The following CTNNA3 variants were observed in gnomAD, a reference collection of about 807,000 sequenced individuals.
The protein encoded by CTNNA3 is catenin alpha 3.
Under a neutral mutation model 95.7 loss-of-function variants are expected in CTNNA3, and 76 were observed. The ratio of observed to expected loss-of-function variants is 0.79; its 90% CI spans 0.66 to 0.96. The LOEUF (loss-of-function observed/expected upper bound fraction) is 0.96, where lower values mean the gene tolerates loss of function less well. CTNNA3 is among the 40% of genes least tolerant of loss of function. The pLI is 0.00. For synonymous variants in CTNNA3, 431 were observed against 374.4 expected, an observed-to-expected ratio of 1.15 and a Z score of -1.74; for missense variants, 1,191 against 1,089.8, an observed-to-expected ratio of 1.09 and a Z score of -1.31.
At chr10:67,096,820 T>C (rs1428158094) in intron 7 of CTNNA3, among the ~76,000 whole-genome samples, 1 of 151,912 alleles carries the variant, frequency 6.6e-6, no homozygotes, top group South Asian at 2.1e-4. Context: ...CATCATCCTT[T>C]GATGCTTTTT....
chr10:65,968,945 T>C (rs1433483611), intron 16 of CTNNA3, among the ~76,000 whole-genome samples: 2 of 152,242 alleles, frequency 1.3e-5, no homozygotes, highest in Non-Finnish European at 2.9e-5. Flanking sequence ...CTGCCCATCT[T>C]GCTCCCAACA....
intron 7 of CTNNA3, among the ~76,000 whole-genome samples, chr10:67,042,942 A>T (rs777012325): frequency 3.3e-5 from 5 of 152,086 alleles, no homozygotes; most frequent in Non-Finnish European, 5.9e-5. Context: ...ATAAAAGAGG[A>T]GCCAAATAAG....
At chr10:67,204,096 G>T (rs1306829716) in intron 6 of CTNNA3, among the ~76,000 whole-genome samples, 3 of 152,090 alleles carry the variant, frequency 2.0e-5, no homozygotes, top group African/African-American at 7.2e-5. Context: ...TTATTAGAAG[G>T]AAGTGATAAA....
chr10:67,247,021 T>C (rs558733884), intron 5 of CTNNA3, among the ~76,000 whole-genome samples: 95 of 152,248 alleles, frequency 6.2e-4, no homozygotes, highest in African/African-American at 2.3e-3. Context: ...AATACATAAA[T>C]AAATCTTCAA....
At chr10:67,337,018 G>T (rs1842018908) in intron 5 of CTNNA3, among the ~76,000 whole-genome samples, 1 of 152,152 alleles carries the variant, frequency 6.6e-6, no homozygotes, top group African/African-American at 2.4e-5. Flanking sequence ...CATCCATTCT[G>T]TAGCCCATGG....
chr10:66,565,244 A>G (rs940858297), intron 10 of CTNNA3, among the ~76,000 whole-genome samples: 5 of 152,198 alleles, frequency 3.3e-5, no homozygotes, highest in Admixed American at 1.3e-4. Context: ...ACTTGATCCA[A>G]TGGAGATACT....
intron 5 of CTNNA3, among the ~76,000 whole-genome samples, chr10:67,507,569 A>G (rs1225202720): frequency 1.3e-5 from 2 of 151,908 alleles, no homozygotes; most frequent in Non-Finnish European, 2.9e-5. Context: ...AAAAAAAAAA[A>G]GAAAATTAAA....
At chr10:66,287,995 G>A (rs1227974910) in intron 12 of CTNNA3, among the ~76,000 whole-genome samples, 1 of 152,070 alleles carries the variant, frequency 6.6e-6, no homozygotes, top group African/African-American at 2.4e-5. Flanking sequence ...AAACAGGGAG[G>A]TACTGCTAAG....
rs1589834169 is a variant in CTNNA3 at position 66,244,326 on chromosome 10, C to T, written c.1884+36144G>A. ...ATCTGGGCCTGCGCAGAACTTTCCA[C>T]CCGGAAGGGAAGGACATAAACATGG... On this transcript the variant is annotated intron_variant, in intron 13 of 17. Coordinates refer to ENST00000433211, the MANE Select transcript of CTNNA3 (RefSeq NM_013266.4). 2.0e-5 allele frequency among the ~76,000 whole-genome samples: 3 copies of T among 152,338 alleles called. No homozygotes were observed. The South Asian group carries it at 6.2e-4, about 32-fold the overall frequency.
At chr10:66,998,287 ACTGTT>A (rs1407750394) in intron 7 of CTNNA3, among the ~76,000 whole-genome samples, 1 of 152,194 alleles carries the variant, frequency 6.6e-6, no homozygotes, top group Non-Finnish European at 1.5e-5. Context: ...CTTAGCATAC[ACTGTT>A]GTTTTAGTAC....
chr10:66,749,279 G>A (rs1191253419), intron 9 of CTNNA3, among the ~76,000 whole-genome samples: 1 of 150,128 alleles, frequency 6.7e-6, no homozygotes, highest in Non-Finnish European at 1.5e-5. Flanking sequence ...TACATTGCAT[G>A]CGGATTGACA....
At chr10:67,564,046 G>C (rs1454448094) in intron 3 of CTNNA3, among the ~76,000 whole-genome samples, 2 of 149,216 alleles carry the variant, frequency 1.3e-5, no homozygotes, top group Admixed American at 6.7e-5. Flanking sequence ...CTGTTGGTGG[G>C]ACTGTAAACT....
intron 7 of CTNNA3, among the ~76,000 whole-genome samples, chr10:66,811,620 A>G (rs1841879274): frequency 2.0e-5 from 3 of 152,186 alleles, no homozygotes; most frequent in African/African-American, 4.8e-5. Flanking sequence ...CAAAAATCCA[A>G]TACTAGTCCT....
intron 12 of CTNNA3, among the ~76,000 whole-genome samples, chr10:66,333,749 T>G (rs2092360533): frequency 1.3e-5 from 2 of 151,594 alleles, no homozygotes; most frequent in Admixed American, 1.3e-4. Flanking sequence ...TTAGGTCTGC[T>G]TGGTGCAGAG....
chr10:66,971,156 G>T (rs1849699875), intron 7 of CTNNA3, among the ~76,000 whole-genome samples: 1 of 152,136 alleles, frequency 6.6e-6, no homozygotes, highest in Non-Finnish European at 1.5e-5. Context: ...GGCTGGGTGT[G>T]GTGGCTCACG....
At chr10:67,324,989 T>G (rs1035255587) in intron 5 of CTNNA3, among the ~76,000 whole-genome samples, 8 of 152,116 alleles carry the variant, frequency 5.3e-5, no homozygotes, top group Non-Finnish European at 1.0e-4. Context: ...GTCTAGGAAT[T>G]TATCTGTTTC....
At chr10:67,425,464 G>A (rs1209492460) in intron 5 of CTNNA3, among the ~76,000 whole-genome samples, 1 of 145,628 alleles carries the variant, frequency 6.9e-6, no homozygotes, top group Non-Finnish European at 1.6e-5. Context: ...TCCATACAAA[G>A]AATATAGTAC....
At chr10:66,806,035 T>C (rs1468931159) in intron 7 of CTNNA3, among the ~76,000 whole-genome samples, 4 of 151,962 alleles carry the variant, frequency 2.6e-5, no homozygotes, top group Admixed American at 2.6e-4. Context: ...TTCAAAGCAA[T>C]AAAATGGAAA....
chr10:66,858,530 C>T (rs1015278015), intron 7 of CTNNA3, among the ~76,000 whole-genome samples: 3 of 151,898 alleles, frequency 2.0e-5, no homozygotes, highest in Non-Finnish European at 4.4e-5. Flanking sequence ...TTCATCTGGT[C>T]CTGGGCTTTT....
Sources: gnomAD v4.1 joint callset for allele counts (sites outside exome capture counted in the v4.1 genomes callset) on GRCh38, gnomAD v4.1.1 for gene constraint, MANE v1.5 for transcripts, NCBI Gene and HGNC (gene_info 2026-07-23, HGNC 2026-07-21) for gene names.